LRRK2: variants seen among roughly 807,000 people sequenced by gnomAD.
The protein encoded by LRRK2 is leucine rich repeat kinase 2.
Under a neutral mutation model 302.6 loss-of-function variants are expected in LRRK2, and 203 were observed. The observed-to-expected ratio is 0.67, with a 90% CI of 0.60 to 0.75. The LOEUF (loss-of-function observed/expected upper bound fraction) is 0.75, where lower values mean the gene tolerates loss of function less well. Ranked by LOEUF, LRRK2 falls within the 30% of genes least tolerant of loss-of-function variation. The probability of loss-of-function intolerance (pLI) is 0.00; values close to 1 mark genes in which losing one functional copy is unlikely to be tolerated. For synonymous variants in LRRK2, 1,066 were observed against 1,031.9 expected (o/e 1.03, Z -0.63); for missense variants, 2,830 against 2,951.0 (o/e 0.96, Z 0.95).
intron 13 of LRRK2, among the ~76,000 whole-genome samples, 189 bp from the exon 14 acceptor site, chr12:40,263,600 C>T (rs1942873824): frequency 6.6e-6 from 1 of 152,122 alleles, no homozygotes; most frequent in South Asian, 2.1e-4. Context: ...ATTTTATATT[C>T]AGTGATGAAC....
chr12:40,335,490 A>T (rs570468116), intron 40 of LRRK2, among the ~76,000 whole-genome samples: 1 of 152,138 alleles, frequency 6.6e-6, no homozygotes, highest in African/African-American at 2.4e-5. Flanking sequence ...CATGATTCCA[A>T]TGAGGAAAGA....
At position 40,363,557 on chromosome 12, in the gene LRRK2, A is replaced by T. The variant is rs1469139426; in HGVS notation, c.7181+3A>T. ...ATAGACTGCGTGCACTTTTTAAGGT[A>T]AATTCTGTGGTTTTTAATTTTATTC... On this transcript the variant is annotated splice_donor_region_variant and intron_variant, in intron 48 of 50. Transcript: ENST00000298910. The T allele has an allele frequency of 3.7e-6, 6 of 1,610,874 alleles. No individual in the cohort carries two copies. Among genetic ancestry groups the T allele is most frequent in the Non-Finnish European group, 5.1e-6 (6 of 1,177,870 alleles).
chr12:40,326,983 T>C (rs954896312), intron 38 of LRRK2, among the ~76,000 whole-genome samples: 4 of 152,220 alleles, frequency 2.6e-5, no homozygotes, highest in African/African-American at 9.6e-5. Context: ...ATATAAAAAA[T>C]AAATAGGTAG....
Position 40,365,044 on chromosome 12 carries a change from C to G in LRRK2, c.7384C>G (p.Gln2462Glu). 6.2e-7 allele frequency: 1 copy of G among 1,611,486 alleles called. No homozygotes were observed. The highest frequency in any genetic ancestry group is 8.5e-7 in the Non-Finnish European group (1 of 1,178,242). ...TTCGGTCAGAGTCATGATGACAGCA[C>G]AGCTAGGCAAGTTTCTTTCCTTTAG... ...CNSVRVMMTA[Q>E]LGSLKNVMLV... Residue 2462 changes from glutamine (Q) to glutamate (E), a missense_variant, in exon 49 of 51, where the codon CAG becomes GAG. By Grantham distance (29) the Gln-to-Glu change is conservative. Coordinates refer to ENST00000298910, the MANE Select transcript of LRRK2 (RefSeq NM_198578.4).
intron 18 of LRRK2, among the ~76,000 whole-genome samples, chr12:40,279,557 G>T (rs1454086209): frequency 6.6e-6 from 1 of 151,978 alleles, no homozygotes; most frequent in Non-Finnish European, 1.5e-5. Context: ...AATTTTAATT[G>T]AAAATACCGA....
intron 6 of LRRK2, among the ~76,000 whole-genome samples, chr12:40,242,995 A>G (rs1941807442): frequency 6.6e-6 from 1 of 151,098 alleles, no homozygotes; most frequent in African/African-American, 2.4e-5. Flanking sequence ...CACATCTATT[A>G]AAATATGTTA....
At chr12:40,265,674 T>A (rs1223379384) in intron 14 of LRRK2, among the ~76,000 whole-genome samples, 1 of 152,162 alleles carries the variant, frequency 6.6e-6, no homozygotes. Context: ...GTTTTACTAT[T>A]ATAATGAGCA....
intron 39 of LRRK2, among the ~76,000 whole-genome samples, chr12:40,332,204 T>C (rs1333155758): frequency 1.3e-5 from 2 of 152,168 alleles, no homozygotes; most frequent in East Asian, 3.8e-4. Context: ...CCACCTTTTC[T>C]GAGAGGCTGA....
intron 16 of LRRK2, among the ~76,000 whole-genome samples, chr12:40,275,549 A>G (rs1943416890): frequency 1.3e-5 from 2 of 151,958 alleles, no homozygotes; most frequent in African/African-American, 2.4e-5. Flanking sequence ...CAAAACAAAT[A>G]GTTTTTCTTC....
chr12:40,307,859 G>T (rs1944884994), intron 28 of LRRK2, among the ~76,000 whole-genome samples: 1 of 136,664 alleles, frequency 7.3e-6, no homozygotes, highest in African/African-American at 2.8e-5. Context: ...TTGGCTCACT[G>T]CAACCTCTGC....
intron 47 of LRRK2, among the ~76,000 whole-genome samples, chr12:40,363,182 A>C (rs2137043741): frequency 6.6e-6 from 1 of 152,216 alleles, no homozygotes; most frequent in East Asian, 1.9e-4. Context: ...TTATCACAAG[A>C]AATTAATATA....
At position 40,273,106 on chromosome 12, in the gene LRRK2, G is replaced by A. The variant is rs1364417314; in HGVS notation, c.1657-1477G>A. Among the ~76,000 whole-genome samples the A allele has an allele frequency of 2.0e-5, 3 of 152,132 alleles. No individual in the cohort carries two copies. The East Asian group carries it at 5.8e-4, about 29-fold the overall frequency. On this transcript the variant is annotated intron_variant, in intron 14 of 50. Transcript: ENST00000298910. ...TTAGAATTGTTTTAGAGATGAGGAAGCTGAGACACACACCAAACCAGCCTT... is the reference window on the plus strand; with the variant it reads ...TTAGAATTGTTTTAGAGATGAGGAAACTGAGACACACACCAAACCAGCCTT...
chr12:40,237,953 A>T lies in LRRK2; in HGVS notation c.437-16A>T. 5 of 1,606,606 alleles carry T rather than the reference A, an allele frequency of 3.1e-6. No homozygotes were observed. In the Admixed American group the frequency reaches 5.0e-5, roughly 16 times the overall value. Reference sequence around the variant, plus strand: ...AGCAGCTCTTTACTCAGAGCATATTATTCTCTTTAAAATAGGTAAAATCAC... The same window carrying T: ...AGCAGCTCTTTACTCAGAGCATATTTTTCTCTTTAAAATAGGTAAAATCAC... On this transcript the variant is annotated splice_polypyrimidine_tract_variant and intron_variant, in intron 4 of 50. Transcript: ENST00000298910.
At chr12:40,234,170 C>T (rs1941327206) in intron 3 of LRRK2, among the ~76,000 whole-genome samples, 1 of 152,042 alleles carries the variant, frequency 6.6e-6, no homozygotes, top group South Asian at 2.1e-4. Context: ...TTCAGGTCCT[C>T]CAATTGCCAA....
At chr12:40,340,598 C>A in intron 41 of LRRK2, 144 bp downstream of exon 41, 1 of 853,594 alleles carries the variant, frequency 1.2e-6, no homozygotes. Flanking sequence ...GCAAGCATCA[C>A]ATTGTGATTT....
At chr12:40,317,842 T>G (rs541634299) in intron 33 of LRRK2, among the ~76,000 whole-genome samples, 16 of 152,216 alleles carry the variant, frequency 1.1e-4, no homozygotes, top group Middle Eastern at 3.4e-3. Context: ...CCCTCGAAAC[T>G]TGGAGGCTTA....
rs201034266 is a variant in LRRK2 at position 40,320,148 on chromosome 12, G to C, written c.4988G>C (p.Gly1663Ala). 46 of 1,612,062 alleles carry C rather than the reference G, an allele frequency of 2.9e-5. No individual in the cohort carries two copies. In the African/African-American group the frequency reaches 5.9e-4, roughly 21 times the overall value. ...AAATTCCAGATTGCTTTGCCAATAG[G>C]AGAAGAATATTTGCTGGTTCCAAGC... ...LEKFQIALPI[G>A]EEYLLVPSSL... Residue 1663 changes from glycine (G) to alanine (A), a missense_variant, in exon 34 of 51, where the codon GGA (glycine) becomes GCA (alanine). By Grantham distance (60) the Gly-to-Ala change is moderately conservative. This residue lies in a region of LRRK2 where 2,121 missense variants were observed against 2,148.0 expected (regional missense o/e 0.99). Coordinates refer to ENST00000298910, the MANE Select transcript of LRRK2 (RefSeq NM_198578.4).
chr12:40,315,763 C>T (rs1417387922), intron 33 of LRRK2, among the ~76,000 whole-genome samples: 1 of 151,520 alleles, frequency 6.6e-6, no homozygotes, highest in Non-Finnish European at 1.5e-5. Flanking sequence ...TTTGGATGGC[C>T]TTGGTTATAG....
At chr12:40,352,469 C>CATTTTTTTTTTTTTT (rs76555745) in intron 44 of LRRK2, among the ~76,000 whole-genome samples, 1 of 104,536 alleles carries the variant, frequency 9.6e-6, no homozygotes, top group Non-Finnish European at 2.0e-5. Context: ...GTTAAACAAT[C>CATTTTTTTTTTTTTT]TTTTTTTTTT....
Sources: allele counts gnomAD v4.1 joint callset (sites outside exome capture counted in the v4.1 genomes callset), GRCh38; gene constraint gnomAD v4.1.1; regional missense constraint gnomAD v4.1.1; transcripts MANE v1.5; gene names NCBI Gene and HGNC (gene_info 2026-07-23, HGNC 2026-07-21).